The following KLB variants were observed in gnomAD, a reference collection of about 807,000 sequenced individuals.
KLB encodes beta-klotho.
A neutral mutation model predicts 88.4 loss-of-function variants in KLB; 44 were observed. The ratio of observed to expected loss-of-function variants is 0.50; its 90% CI spans 0.39 to 0.64. KLB has a LOEUF of 0.64. Ranked by LOEUF, KLB falls within the 30% of genes least tolerant of loss-of-function variation. The pLI is 0.00. For missense variants in KLB, 1,137 were observed against 1,304.8 expected (o/e 0.87, Z 1.98); for synonymous variants, 548 against 513.4 (o/e 1.07, Z -0.91).
chr4:39,444,691 T>G (rs1743696254), intron 3 of KLB, among the ~76,000 whole-genome samples: 1 of 152,248 alleles, frequency 6.6e-6, no homozygotes, highest in Non-Finnish European at 1.5e-5. Context: ...CTGCCTTTTA[T>G]AAACATCCTT....
intron 1 of KLB, among the ~76,000 whole-genome samples, chr4:39,431,543 G>T (rs914554297): frequency 3.9e-5 from 6 of 152,140 alleles, no homozygotes; most frequent in African/African-American, 1.4e-4. Flanking sequence ...GAGCCACCAT[G>T]CCCGGCCCGA....
chr4:39,415,743 TA>T (rs1742951096), intron 1 of KLB, among the ~76,000 whole-genome samples: 3 of 152,176 alleles, frequency 2.0e-5, no homozygotes, highest in Non-Finnish European at 4.4e-5. Context: ...ACGCTTTTTA[TA>T]TTTTTTTATT....
At position 39,434,539 on chromosome 4, in the gene KLB, G is replaced by A. The variant is rs758059240; in HGVS notation, c.1155G>A (p.Met385Ile). 7 of 1,614,032 alleles carry A rather than the reference G, an allele frequency of 4.3e-6. No homozygotes were observed. The highest frequency in any genetic ancestry group is 5.9e-6 in the Non-Finnish European group (7 of 1,180,038). The change falls in exon 2 of 5, where the codon ATG becomes ATA. Residue 385 changes from methionine (M) to isoleucine (I), a missense_variant. This residue lies in a region of KLB where 597 missense variants were observed against 765.2 expected (regional missense o/e 0.78). Coordinates refer to ENST00000257408, the MANE Select transcript of KLB (RefSeq NM_175737.4). ...GPNNFKPLNTMAKMGQNVSLN... is the reference protein window; with the variant it reads ...GPNNFKPLNTIAKMGQNVSLN... ...ACAACTTCAAGCCCCTAAACACCATGGCTAAAATGGGACAAAATGTTTCAC... is the reference window on the plus strand; with the variant it reads ...ACAACTTCAAGCCCCTAAACACCATAGCTAAAATGGGACAAAATGTTTCAC...
At chr4:39,439,338 T>C (rs1743545484) in intron 3 of KLB, among the ~76,000 whole-genome samples, 1 of 152,156 alleles carries the variant, frequency 6.6e-6, no homozygotes, top group Non-Finnish European at 1.5e-5. Flanking sequence ...GCAAGGCAAC[T>C]GAAGTTTAAG....
chr4:39,447,060 G>A lies in KLB; in HGVS notation c.2334G>A (p.Lys778=). The A allele has an allele frequency of 6.2e-7, 1 of 1,612,818 alleles. No individual in the cohort carries two copies. The highest frequency in any genetic ancestry group is 8.5e-7 in the Non-Finnish European group (1 of 1,179,976). The change falls in exon 4 of 5, where the codon AAG becomes AAA. Residue 778 remains lysine (K), a synonymous_variant. Coordinates refer to ENST00000257408, the MANE Select transcript of KLB (RefSeq NM_175737.4). ...EIAWFAEPLF[K]TGDYPAAMRE... The stretch of plus-strand genomic sequence containing the variant: ...CCTGGTTCGCCGAGCCGCTCTTCAA[G>A]ACCGGGGACTACCCCGCGGCCATGA...
At chr4:39,419,773 C>CAAAA (rs35079093) in intron 1 of KLB, among the ~76,000 whole-genome samples, 1 of 71,252 alleles carries the variant, frequency 1.4e-5, no homozygotes, top group Non-Finnish European at 2.7e-5. Context: ...AATTCCATCT[C>CAAAA]AAAAAAAAAA....
At position 39,446,013 on chromosome 4, in the gene KLB, TTTAA is replaced by T. The variant is rs2109845461; in HGVS notation, c.1606-316_1606-313del. On this transcript the variant is annotated intron_variant, in intron 3 of 4. Transcript: ENST00000257408. This position sits in a 1 kb window ranked among gnomAD's most constrained non-coding sequence, Gnocchi z 6.4. ...GTTTAGAATCTCTTTTGTAATTGCT[TTTAA>T]TTGAGTGTACCAAGCCAATTTCCTG... Among the ~76,000 whole-genome samples the T allele has an allele frequency of 6.6e-6, 1 of 152,230 alleles. No individual in the cohort carries two copies. Among genetic ancestry groups the T allele is most frequent in the South Asian group, 2.1e-4 (1 of 4,828 alleles).
In KLB at chr4:39,433,431, G is replaced by A. The variant is rs142752414; in HGVS notation, c.826-779G>A. On this transcript the variant is annotated intron_variant, in intron 1 of 4. Transcript: ENST00000257408. ...TAGGCATGATTCTAAAGCAATTTACGCAGATTAACTCACTCAATTCTCACA... is the reference window on the plus strand; with the variant it reads ...TAGGCATGATTCTAAAGCAATTTACACAGATTAACTCACTCAATTCTCACA... Among the ~76,000 whole-genome samples, 843 of 152,214 alleles carry A rather than the reference G, an allele frequency of 5.5e-3. 21 individuals are homozygous for A. Among genetic ancestry groups the A allele is most frequent in the Admixed American group, 0.043 (662 of 15,282 alleles).
rs757467947 is a variant in KLB at position 39,434,435 on chromosome 4, G to A, written c.1051G>A (p.Val351Ile). Residue 351 changes from valine to isoleucine, a missense_variant, in exon 2 of 5, where the codon GTT becomes ATT. Physicochemically the swap from Val to Ile is conservative, Grantham distance 29. Transcript: ENST00000257408. ...PEGMRKKLFSVLPIFSEAEKH... is the reference protein window; with the variant it reads ...PEGMRKKLFSILPIFSEAEKH... ...GGGGATGAGAAAGAAGTTGTTCTCC[G>A]TTCTACCCATTTTCTCTGAAGCAGA... 8.9e-5 allele frequency: 143 copies of A among 1,614,026 alleles called. No homozygotes were observed. The highest frequency in any genetic ancestry group is 1.1e-4 in the Non-Finnish European group (134 of 1,180,032).
At chr4:39,419,808 G>A (rs1037869386) in intron 1 of KLB, among the ~76,000 whole-genome samples, 4 of 146,134 alleles carry the variant, frequency 2.7e-5, no homozygotes, top group Non-Finnish European at 4.5e-5. Context: ...GCTGGGCGTA[G>A]TGGTGGGTGC....
chr4:39,435,037 C>A (rs1163095685), intron 2 of KLB, among the ~76,000 whole-genome samples: 2 of 151,990 alleles, frequency 1.3e-5, no homozygotes, highest in African/African-American at 4.8e-5. Flanking sequence ...AAACTCCTGA[C>A]CTTAAGTGAT....
chr4:39,443,588 T>G (rs1292238823), intron 3 of KLB, among the ~76,000 whole-genome samples: 2 of 116,548 alleles, frequency 1.7e-5, no homozygotes, highest in Non-Finnish European at 3.5e-5. Flanking sequence ...AAATCCTGTC[T>G]CTACAAAAAA....
chr4:39,443,473 G>A lies in KLB; in HGVS notation c.1606-2859G>A, dbSNP rs367704153. Among the ~76,000 whole-genome samples, 2 of 151,698 alleles carry A rather than the reference G, an allele frequency of 1.3e-5. 1 individual carries two copies. The highest frequency in any genetic ancestry group is 1.3e-4 in the Admixed American group (2 of 15,206). ...AAGTAATCTGATGCTGGCCAGGCTCGATGGCTCACACCTGTAATCCTAGCA... is the reference window on the plus strand; with the variant it reads ...AAGTAATCTGATGCTGGCCAGGCTCAATGGCTCACACCTGTAATCCTAGCA... On this transcript the variant is annotated intron_variant, in intron 3 of 4. Transcript: ENST00000257408.
chr4:39,451,465 A>G lies in KLB; in HGVS notation c.*2779A>G, dbSNP rs1222874461. On this transcript the variant is annotated 3_prime_UTR_variant, in exon 5 of 5. Coordinates refer to ENST00000257408, the MANE Select transcript of KLB (RefSeq NM_175737.4). ...AAAATGAGGCCAGTACAGTGTGACT[A>G]CATGTTTAATTTTCAATGTAATTTA... The G allele has an allele frequency of 2.0e-5, 3 of 152,248 alleles. No homozygotes were observed. In the South Asian group the frequency reaches 6.2e-4, roughly 31 times the overall value. 9.4% of individuals were successfully genotyped at this position (152,248 alleles called of 1,614,324 possible). A position where few individuals can be genotyped will look rare whatever the true frequency, so the allele number is the denominator to read the frequency against.
At chr4:39,431,652 C>T (rs1290072802) in intron 1 of KLB, among the ~76,000 whole-genome samples, 1 of 152,192 alleles carries the variant, frequency 6.6e-6, no homozygotes, top group African/African-American at 2.4e-5. Context: ...AGAGGTATAC[C>T]TCAAGGAATT....
At chr4:39,439,805 C>G (rs1187135696) in intron 3 of KLB, among the ~76,000 whole-genome samples, 2 of 151,928 alleles carry the variant, frequency 1.3e-5, no homozygotes, top group Non-Finnish European at 2.9e-5. Context: ...GTAGCTGGGA[C>G]TACAGGCGTG....
intron 1 of KLB, among the ~76,000 whole-genome samples, chr4:39,433,838 C>A (rs957263042): frequency 6.6e-6 from 1 of 151,580 alleles, no homozygotes; most frequent in East Asian, 1.9e-4. Context: ...CCAGCCTAGG[C>A]GACAGAGAAA....
At chr4:39,439,945 G>A (rs563275306) in intron 3 of KLB, among the ~76,000 whole-genome samples, 1 of 152,178 alleles carries the variant, frequency 6.6e-6, no homozygotes, top group African/African-American at 2.4e-5. Context: ...TGGGATTACA[G>A]GCATGAGCCA....
chr4:39,437,600 G>C (rs758843038), intron 2 of KLB, 127 bp from the exon 3 acceptor site: 76 of 1,070,050 alleles, frequency 7.1e-5, no homozygotes, highest in Admixed American at 1.4e-4. Flanking sequence ...ATTTGATACA[G>C]CAGACCTGAA....
Sources: allele counts gnomAD v4.1 joint callset (sites outside exome capture counted in the v4.1 genomes callset), GRCh38; gene constraint gnomAD v4.1.1; regional missense constraint gnomAD v4.1.1; non-coding constraint Gnocchi (gnomAD v3.1); transcripts MANE v1.5; gene names NCBI Gene and HGNC (gene_info 2026-07-23, HGNC 2026-07-21).